PREX2: variants seen among roughly 807,000 people sequenced by gnomAD.
PREX2 encodes phosphatidylinositol-3,4,5-trisphosphate dependent Rac exchange factor 2.
PREX2 carries 107 observed loss-of-function variants against 203.2 expected under a neutral mutation model. The observed-to-expected ratio is 0.53, with a 90% CI of 0.45 to 0.62. The LOEUF (loss-of-function observed/expected upper bound fraction) is 0.62. Among genes scored for constraint, PREX2 ranks in the 20% least tolerant of loss-of-function variants. PREX2 has a pLI of 0.00. For synonymous variants in PREX2, 672 were observed against 663.6 expected (o/e 1.01, Z -0.19); for missense variants, 1,777 against 1,955.9 (o/e 0.91, Z 1.72).
chr8:68,123,817 G>A (rs1810833599), intron 30 of PREX2, among the ~76,000 whole-genome samples: 1 of 151,598 alleles, frequency 6.6e-6, no homozygotes. Flanking sequence ...GAGATTAACA[G>A]CCAAATTCTA....
intron 34 of PREX2, among the ~76,000 whole-genome samples, chr8:68,156,574 A>G (rs1262732046): frequency 2.0e-5 from 3 of 152,208 alleles, no homozygotes; most frequent in African/African-American, 7.2e-5. Context: ...AGCAAAAGAC[A>G]AGTTAACAAG....
chr8:68,083,187 A>G, intron 17 of PREX2, 53 bp from the exon 18 acceptor site: 1 of 1,407,508 alleles, frequency 7.1e-7, no homozygotes, highest in Non-Finnish European at 9.7e-7. Context: ...TGAAAAACTC[A>G]AAATTTCTTA....
rs548381716 is a variant in PREX2, at chr8:68,046,752, A to G, written c.943+2162A>G. Among the ~76,000 whole-genome samples the G allele has an allele frequency of 2.8e-4, 43 of 152,060 alleles. 1 individual carries two copies. Among genetic ancestry groups the G allele is most frequent in the Non-Finnish European group, 4.1e-4 (28 of 67,998 alleles). The stretch of plus-strand genomic sequence containing the variant: ...CCTCTTTACTTTTTCTTGAATGTAT[A>G]TAAGCAGCATGTAGCAGGAATTTGG... On this transcript the variant is annotated intron_variant, in intron 8 of 39. Coordinates refer to ENST00000288368, the MANE Select transcript of PREX2 (RefSeq NM_024870.4).
intron 39 of PREX2, among the ~76,000 whole-genome samples, chr8:68,228,409 T>C (rs917710436): frequency 1.3e-5 from 2 of 151,862 alleles, no homozygotes; most frequent in Non-Finnish European, 2.9e-5. Flanking sequence ...GATTGCTTGA[T>C]ACTGGGAGTT....
Position 68,032,132 on chromosome 8 carries a change from G to A in PREX2, c.705+1474G>A, listed in dbSNP as rs140648174. Among the ~76,000 whole-genome samples the A allele has an allele frequency of 2.8e-3, 427 of 152,242 alleles. 2 individuals are homozygous for A. The highest frequency in any genetic ancestry group is 3.8e-3 in the African/African-American group (156 of 41,558). On this transcript the variant is annotated intron_variant, in intron 6 of 39. Transcript: ENST00000288368. ...ACTATATCATATGTAGCCCACAACC[G>A]AGGGTGCCTGACTTCACCAGCTTTC... is the stretch of plus-strand genomic sequence containing the variant.
Position 68,231,446 on chromosome 8 carries a change from C to A in PREX2, c.*68C>A. On this transcript the variant is annotated 3_prime_UTR_variant, in exon 40 of 40. Transcript: ENST00000288368. Reference sequence around the variant, plus strand: ...CTGGACTAGACAAACTACATGCTGGCTAAACATTCTCCACTGAAGATACAT... The same window carrying A: ...CTGGACTAGACAAACTACATGCTGGATAAACATTCTCCACTGAAGATACAT... 3 of 1,206,128 alleles carry A rather than the reference C, an allele frequency of 2.5e-6. No homozygotes were observed. The highest frequency in any genetic ancestry group is 3.5e-6 in the Non-Finnish European group (3 of 868,748). The allele number at this position is 1,206,128 out of a possible 1,614,324, so 74.7% of individuals were successfully genotyped here.
chr8:68,006,443 T>C (rs772956316), intron 1 of PREX2, among the ~76,000 whole-genome samples: 22 of 152,200 alleles, frequency 1.4e-4, no homozygotes, highest in Non-Finnish European at 2.5e-4. Context: ...TTATATCCTA[T>C]TAGATGCTAA....
chr8:68,194,938 G>T (rs1812367335), intron 37 of PREX2, among the ~76,000 whole-genome samples: 1 of 152,158 alleles, frequency 6.6e-6, no homozygotes, highest in African/African-American at 2.4e-5. Flanking sequence ...GGAGTCCATT[G>T]TGGCCTCAAC....
chr8:68,069,203 G>T, intron 12 of PREX2, 67 bp downstream of exon 12: 2 of 785,122 alleles, frequency 2.5e-6, no homozygotes, highest in South Asian at 3.5e-5. Context: ...AAGATAAAAG[G>T]TAGTTGAGAA....
intron 6 of PREX2, among the ~76,000 whole-genome samples, chr8:68,032,567 C>T (rs561901983): frequency 1.3e-5 from 2 of 152,278 alleles, no homozygotes; most frequent in South Asian, 4.1e-4. Context: ...CCCACCACCC[C>T]ATCGAGGGGG....
rs7815746 is a variant in PREX2, at chr8:67,959,257, G to A, written c.141+6722G>A. On this transcript the variant is annotated intron_variant, in intron 1 of 39. Transcript: ENST00000288368. ...AGTGGCAGGACTTGAGGGAAGTGGG[G>A]TGTGTGAAGACTGAAGAGGTCGCTG... Among the ~76,000 whole-genome samples the A allele has an allele frequency of 2.6e-3, 392 of 152,078 alleles. 4 individuals are homozygous for A. Among genetic ancestry groups the A allele is most frequent in the South Asian group, 0.019 (92 of 4,816 alleles).
Position 68,187,451 on chromosome 8 carries a change from T to G in PREX2, c.4347-4271T>G, listed in dbSNP as rs536897367. ...ATGCTTCCCACTGTGTGTACTTGAG[T>G]TATAGTTATTATTGTCTATTGAATG... On this transcript the variant is annotated intron_variant, in intron 35 of 39. Coordinates refer to ENST00000288368, the MANE Select transcript of PREX2 (RefSeq NM_024870.4). Among the ~76,000 whole-genome samples, 5 of 152,292 alleles carry G rather than the reference T, an allele frequency of 3.3e-5. No homozygotes were observed. In the East Asian group the frequency reaches 9.7e-4, roughly 29 times the overall value.
In PREX2 at chr8:68,224,635, A is replaced by G; in HGVS notation, c.4775+9A>G. The G allele has an allele frequency of 6.2e-7, 1 of 1,609,610 alleles. No homozygotes were observed. Among genetic ancestry groups the G allele is most frequent in the Non-Finnish European group, 8.5e-7 (1 of 1,176,170 alleles). ...CCACAGTCTGCACCAAGGTAAGTGC[A>G]TCCCCTGCTCTGCCCTTGCCCGAAA... On this transcript the variant is annotated intron_variant, in intron 39 of 39. Coordinates refer to ENST00000288368, the MANE Select transcript of PREX2 (RefSeq NM_024870.4).
At chr8:68,209,393 G>C (rs1329505718) in intron 37 of PREX2, among the ~76,000 whole-genome samples, 1 of 152,148 alleles carries the variant, frequency 6.6e-6, no homozygotes, top group East Asian at 1.9e-4. Flanking sequence ...TCATAAAGTA[G>C]GGGAAATGAT....
rs140291904 is a variant in PREX2, at chr8:68,089,668, G to A, written c.2114-911G>A. On this transcript the variant is annotated intron_variant, in intron 19 of 39. Transcript: ENST00000288368. ...AAAGCCACTTAACATTTCTAGGAGT[G>A]AATTTTATGGGGATTAAGAAGAAAT... Among the ~76,000 whole-genome samples, 280 of 152,308 alleles carry A rather than the reference G, an allele frequency of 1.8e-3. 1 individual carries two copies. The highest frequency in any genetic ancestry group is 3.4e-3 in the Non-Finnish European group (229 of 68,020).
intron 37 of PREX2, among the ~76,000 whole-genome samples, chr8:68,197,123 C>T (rs1198453533): frequency 6.6e-6 from 1 of 151,944 alleles, no homozygotes; most frequent in African/African-American, 2.4e-5. Flanking sequence ...GAAGAGCTCC[C>T]CAAACCTATT....
chr8:68,081,764 G>A (rs1042410697), intron 17 of PREX2, among the ~76,000 whole-genome samples: 6 of 151,932 alleles, frequency 3.9e-5, no homozygotes, highest in Non-Finnish European at 8.8e-5. Context: ...GCATGATCTC[G>A]GCTCACTGCA....
chr8:68,060,672 C>G lies in PREX2; in HGVS notation c.1239-7C>G, dbSNP rs1369164. The G allele has an allele frequency of 0.3, 486,544 of 1,603,834 alleles. 75,090 individuals carry two copies. Among genetic ancestry groups the G allele is most frequent in the Admixed American group, 0.33 (19,632 of 58,764 alleles). On this transcript the variant is annotated splice_region_variant and splice_polypyrimidine_tract_variant and intron_variant, in intron 10 of 39. Coordinates refer to ENST00000288368, the MANE Select transcript of PREX2 (RefSeq NM_024870.4). The stretch of plus-strand genomic sequence containing the variant: ...CGTTTAGCTTTTTCACTGACTTTCT[C>G]TTGCAGCGAATTTGTGTCATGGCTG...
chr8:68,204,107 G>C (rs1368528013), intron 37 of PREX2, among the ~76,000 whole-genome samples: 1 of 152,080 alleles, frequency 6.6e-6, no homozygotes, highest in Non-Finnish European at 1.5e-5. Context: ...CTAAAATGTG[G>C]AGAAGCAGAT....
Sources: gnomAD v4.1 joint callset for allele counts (sites outside exome capture counted in the v4.1 genomes callset) on GRCh38, gnomAD v4.1.1 for gene constraint, MANE v1.5 for transcripts, NCBI Gene and HGNC (gene_info 2026-07-23, HGNC 2026-07-21) for gene names.